The following POU2F2 variants were observed in gnomAD, a reference collection of about 807,000 sequenced individuals.
The protein encoded by POU2F2 is POU class 2 homeobox 2.
Under a neutral mutation model 63.5 loss-of-function variants are expected in POU2F2, and 14 were observed. That is an observed-to-expected ratio of 0.22 (90% CI 0.15 to 0.34). The LOEUF (loss-of-function observed/expected upper bound fraction) is 0.34. Ranked by LOEUF, POU2F2 falls within the 10% of genes least tolerant of loss-of-function variation. The pLI, the probability that POU2F2 is intolerant of heterozygous loss-of-function variation, is 1.00. For synonymous variants in POU2F2, 306 were observed against 348.6 expected (o/e 0.88, Z 1.36); for missense variants, 607 against 815.2 (o/e 0.74, Z 3.11).
intron 1 of POU2F2, among the ~76,000 whole-genome samples, chr19:42,183,978 A>AT (rs1175170542): frequency 4.0e-5 from 6 of 149,872 alleles, no homozygotes; most frequent in African/African-American, 1.5e-4. Flanking sequence ...GAAGGAAACT[A>AT]TGAGACACGA....
At chr19:42,166,777 G>C (rs2034660135) in intron 1 of POU2F2, among the ~76,000 whole-genome samples, 2 of 152,246 alleles carry the variant, frequency 1.3e-5, no homozygotes, top group Non-Finnish European at 2.9e-5. Context: ...CTGAGGCTCA[G>C]GTAGGAGGTG....
Position 42,146,687 on chromosome 19 carries a change from C to T in POU2F2, c.-9+13645G>A, listed in dbSNP as rs575518797. Among the ~76,000 whole-genome samples, 9 of 152,284 alleles carry T rather than the reference C, an allele frequency of 5.9e-5. No individual in the cohort carries two copies. The South Asian group carries it at 1.0e-3, about 18-fold the overall frequency. On this transcript the variant is annotated intron_variant, in intron 2 of 6. Transcript: ENST00000524801. ...CCCCATTCACATCTGTGCAAGATCC[C>T]GGTCTGGCAAGAAACTTCTCAGTGC...
intron 1 of POU2F2, 41 bp from the exon 2 acceptor site, chr19:42,122,617 A>G: frequency 6.8e-7 from 1 of 1,478,950 alleles, no homozygotes; most frequent in Non-Finnish European, 9.1e-7. Flanking sequence ...GAAGGAGGGG[A>G]ATCCAGGAGG....
upstream of POU2F2, among the ~76,000 whole-genome samples, chr19:42,196,757 C>T (rs538681224): frequency 5.9e-5 from 9 of 152,386 alleles, no homozygotes; most frequent in South Asian, 8.3e-4. Context: ...ACGGCGCATG[C>T]GCTCAGGGAG....
At position 42,090,226 on chromosome 19, in the gene POU2F2, C is replaced by T. The variant is rs1478266138; in HGVS notation, c.*1031G>A. The T allele has an allele frequency of 6.6e-6, 1 of 151,070 alleles. No individual in the cohort carries two copies. Among genetic ancestry groups the T allele is most frequent in the African/African-American group, 2.4e-5 (1 of 40,842 alleles). The allele number at this position is 151,070 out of a possible 1,614,324, so 9.4% of individuals were successfully genotyped here. On this transcript the variant is annotated 3_prime_UTR_variant, in exon 15 of 15. Coordinates refer to ENST00000692977, the MANE Select transcript of POU2F2 (RefSeq NM_001394376.1). The surrounding 1 kb of genome is among the most constrained non-coding windows in gnomAD (Gnocchi z 4.4). The stretch of plus-strand genomic sequence containing the variant: ...TGAATTTTTTTTTTTTTCAGGGAAA[C>T]AGACAGGATGGAAAAAGACAACTGA...
intron 5 of POU2F2, among the ~76,000 whole-genome samples, chr19:42,110,225 G>A (rs12461002): frequency 5.3e-5 from 8 of 152,000 alleles, no homozygotes; most frequent in Admixed American, 3.3e-4. Context: ...TGGCGCCACT[G>A]CACCTCACTG....
At chr19:42,170,668 C>T (rs568576908) in intron 1 of POU2F2, among the ~76,000 whole-genome samples, 2 of 152,334 alleles carry the variant, frequency 1.3e-5, no homozygotes, top group East Asian at 3.9e-4. Context: ...AAGGTAGGCA[C>T]ATGCTGACAA....
chr19:42,144,840 A>G (rs1415979748), intron 2 of POU2F2, among the ~76,000 whole-genome samples: 1 of 152,230 alleles, frequency 6.6e-6, no homozygotes, highest in Non-Finnish European at 1.5e-5. Context: ...TCCAGAGCCC[A>G]GCTCTCCTTG....
intron 4 of POU2F2, among the ~76,000 whole-genome samples, chr19:42,119,064 G>A (rs1406787530): frequency 6.6e-6 from 1 of 151,966 alleles, no homozygotes; most frequent in Non-Finnish European, 1.5e-5. Context: ...TGAGGCAGGA[G>A]GATTGCTTGA....
At chr19:42,161,717 C>T (rs970539693) in intron 1 of POU2F2, among the ~76,000 whole-genome samples, 1 of 152,144 alleles carries the variant, frequency 6.6e-6, no homozygotes, top group Non-Finnish European at 1.5e-5. Flanking sequence ...CCCACTTCCT[C>T]CTCCATCTGT....
At chr19:42,130,957 C>G (rs1191295637) in intron 1 of POU2F2, among the ~76,000 whole-genome samples, 3 of 134,874 alleles carry the variant, frequency 2.2e-5, no homozygotes, top group Admixed American at 7.4e-5. Flanking sequence ...CTATGTCCCC[C>G]CATCCCAGCC....
chr19:42,120,332 T>C (rs1263693603), intron 4 of POU2F2, among the ~76,000 whole-genome samples: 2 of 151,252 alleles, frequency 1.3e-5, no homozygotes, highest in Non-Finnish European at 2.9e-5. Context: ...TTCTCCACAA[T>C]GCCTCAGCCT....
At chr19:42,104,134 C>T (rs917454788) in intron 5 of POU2F2, among the ~76,000 whole-genome samples, 3 of 152,166 alleles carry the variant, frequency 2.0e-5, no homozygotes, top group Admixed American at 2.0e-4. Flanking sequence ...CTCAGATTCA[C>T]TCGCAATAAG....
intron 5 of POU2F2, among the ~76,000 whole-genome samples, chr19:42,113,126 G>A (rs185130535): frequency 6.6e-6 from 1 of 152,276 alleles, no homozygotes; most frequent in Admixed American, 6.5e-5. Flanking sequence ...GGTCGTAGCA[G>A]CCTAAAAGAT....
At chr19:42,106,797 G>A (rs574074700) in intron 5 of POU2F2, among the ~76,000 whole-genome samples, 1 of 145,288 alleles carries the variant, frequency 6.9e-6, no homozygotes, top group Non-Finnish European at 1.5e-5. Context: ...AGAGGAGGAG[G>A]AGGAGGAAGA....
intron 4 of POU2F2, among the ~76,000 whole-genome samples, chr19:42,121,813 G>C (rs2032646913): frequency 6.6e-6 from 1 of 152,184 alleles, no homozygotes; most frequent in East Asian, 1.9e-4. Flanking sequence ...GTATATTGGG[G>C]GACAGGCGGT....
chr19:42,091,115 T>TG lies in POU2F2; in HGVS notation c.*141dup. On this transcript the variant is annotated 3_prime_UTR_variant, in exon 15 of 15. Transcript: ENST00000692977. The stretch of plus-strand genomic sequence containing the variant: ...TTTCCTTTTTTTTTTTTTTTTTGGT[T>TG]GGTTGTTTTTTTGGTCTTTCCTCCC... 1 of 587,188 alleles carries TG rather than the reference T, an allele frequency of 1.7e-6. No individual in the cohort carries two copies. The highest frequency in any genetic ancestry group is 2.6e-6 in the Non-Finnish European group (1 of 387,870). The allele number at this position is 587,188 out of a possible 1,614,324, so 36.4% of individuals were successfully genotyped here. A position where few individuals can be genotyped will look rare whatever the true frequency, so the allele number is the denominator to read the frequency against.
At chr19:42,172,244 C>T (rs1373417441) in intron 1 of POU2F2, among the ~76,000 whole-genome samples, 1 of 152,198 alleles carries the variant, frequency 6.6e-6, no homozygotes, top group Non-Finnish European at 1.5e-5. Context: ...CTGGAAACTC[C>T]CTTTGTGCTC....
rs548430647 is a variant in POU2F2 at position 42,092,291 on chromosome 19, G to A, written c.1265-21C>T. 3,936 of 1,523,810 alleles carry A rather than the reference G, an allele frequency of 2.6e-3. 12 individuals carry two copies. Among genetic ancestry groups the A allele is most frequent in the Non-Finnish European group, 3.3e-3 (3,672 of 1,122,562 alleles). 94.4% of individuals were successfully genotyped at this position (1,523,810 alleles called of 1,614,324 possible). On this transcript the variant is annotated intron_variant, in intron 12 of 14. Transcript: ENST00000692977. The surrounding 1 kb of genome is among the most constrained non-coding windows in gnomAD (Gnocchi z 5.0). ...AGTAACTGCCAGAGAGAGACAGAAAGATGGGGTCTTCAGCTTCCACTCGTC... is the reference window on the plus strand; with the variant it reads ...AGTAACTGCCAGAGAGAGACAGAAAAATGGGGTCTTCAGCTTCCACTCGTC...
Sources: allele counts gnomAD v4.1 joint callset (sites outside exome capture counted in the v4.1 genomes callset), GRCh38; gene constraint gnomAD v4.1.1; non-coding constraint Gnocchi (gnomAD v3.1); transcripts MANE v1.5; gene names NCBI Gene and HGNC (gene_info 2026-07-23, HGNC 2026-07-21).